ARID4A: variants seen among roughly 807,000 people sequenced by gnomAD.
ARID4A encodes the protein AT-rich interactive domain-containing protein 4A.
A neutral mutation model predicts 148.6 loss-of-function variants in ARID4A; 39 were observed. That is an observed-to-expected ratio of 0.26 (90% CI 0.20 to 0.34). The LOEUF (loss-of-function observed/expected upper bound fraction) is 0.34. ARID4A is among the 10% of genes least tolerant of loss of function. The pLI is 1.00. For synonymous variants in ARID4A, 475 were observed against 481.2 expected (o/e 0.99, Z 0.17); for missense variants, 1,265 against 1,449.1 (o/e 0.87, Z 2.06).
At position 58,372,980 on chromosome 14, in the gene ARID4A, T is replaced by C. The variant is rs2035672006; in HGVS notation, c.*991T>C. 1 of 192,206 alleles carries C rather than the reference T, an allele frequency of 5.2e-6. No homozygotes were observed. The highest frequency in any genetic ancestry group is 8.2e-5 in the East Asian group (1 of 12,186). The allele number at this position is 192,206 out of a possible 1,614,324, so 11.9% of individuals were successfully genotyped here. The stretch of plus-strand genomic sequence containing the variant: ...GATGACAATAGCTCTCAGCTGTCCT[T>C]TTTACAGGAGGTTGCATCCTGCAGC... On this transcript the variant is annotated 3_prime_UTR_variant, in exon 24 of 24. Transcript: ENST00000355431.
intron 23 of ARID4A, chr14:58,370,074 T>C (rs2035537230): frequency 6.6e-6 from 1 of 152,234 alleles, no homozygotes; most frequent in Non-Finnish European, 1.5e-5. Context: ...CCAGCAGTTT[T>C]TAATTCCTAG....
At position 58,341,218 on chromosome 14, in the gene ARID4A, C is replaced by T. The variant is rs2034103989; in HGVS notation, c.907-3477C>T. Among the ~76,000 whole-genome samples, 3 of 152,330 alleles carry T rather than the reference C, an allele frequency of 2.0e-5. No homozygotes were observed. The South Asian group carries it at 6.2e-4, about 32-fold the overall frequency. On this transcript the variant is annotated intron_variant, in intron 11 of 23. Transcript: ENST00000355431. ...TCCCTTCCAATCCATCAAACTCATT[C>T]TTGGCTGAGAAATTTTAAATATACA... is the stretch of plus-strand genomic sequence containing the variant.
chr14:58,331,338 T>G (rs2033506918), intron 11 of ARID4A: 1 of 152,214 alleles, frequency 6.6e-6, no homozygotes. Flanking sequence ...TTTCCTTTCA[T>G]GTAATGTCTG....
chr14:58,319,949 T>C (rs2032749884), intron 7 of ARID4A, among the ~76,000 whole-genome samples: 1 of 137,828 alleles, frequency 7.3e-6, no homozygotes, highest in South Asian at 2.3e-4. Flanking sequence ...TTTTCTTTTC[T>C]TTTTTTTTTT....
At chr14:58,311,889 A>T in intron 5 of ARID4A, among the ~76,000 whole-genome samples, 1 of 120,726 alleles carries the variant, frequency 8.3e-6, no homozygotes, top group African/African-American at 3.2e-5. Context: ...CTTATTAGAG[A>T]GTAGAGTGTT....
At chr14:58,343,047 C>A (rs1376194838) in intron 11 of ARID4A, among the ~76,000 whole-genome samples, 1 of 152,128 alleles carries the variant, frequency 6.6e-6, no homozygotes, top group African/African-American at 2.4e-5. Flanking sequence ...GCTAGAAGTT[C>A]TTAAAATTAA....
intron 22 of ARID4A, 26 bp downstream of exon 22, chr14:58,366,256 A>G (rs1223135830): frequency 6.6e-7 from 1 of 1,518,466 alleles, no homozygotes; most frequent in South Asian, 1.1e-5. Context: ...AAAACTTGAT[A>G]GATGAATACT....
At chr14:58,320,599 CT>C (rs778275420) in intron 7 of ARID4A, among the ~76,000 whole-genome samples, 4,174 of 127,582 alleles carry the variant, frequency 0.033, 65 homozygotes, top group Non-Finnish European at 0.044. Context: ...ATGACATTGA[CT>C]TTTTTTTTTT....
chr14:58,341,910 G>A (rs971204669), intron 11 of ARID4A, among the ~76,000 whole-genome samples: 3 of 152,210 alleles, frequency 2.0e-5, no homozygotes, highest in African/African-American at 7.2e-5. Flanking sequence ...AGATGGTCTA[G>A]TGGACCTCTA....
rs910314339 is a variant in ARID4A at position 58,326,362 on chromosome 14, G to A, written c.583-1875G>A. ...TGAGGCAGGAGAATGGCATGAACCC[G>A]GAAGGCGGAACTTGCGGTGAGCTGA... On this transcript the variant is annotated intron_variant, in intron 8 of 23. Transcript: ENST00000355431. Among the ~76,000 whole-genome samples, 45 of 152,158 alleles carry A rather than the reference G, an allele frequency of 3.0e-4. 1 individual carries two copies. Among genetic ancestry groups the A allele is most frequent in the South Asian group, 2.1e-4 (1 of 4,832 alleles).
At chr14:58,364,034 T>C (rs1187180724) in intron 19 of ARID4A, 136 bp from the exon 20 acceptor site, 1 of 416,016 alleles carries the variant, frequency 2.4e-6, no homozygotes, top group Non-Finnish European at 3.9e-6. Context: ...TTTGTTTTAT[T>C]TCAGAAATTT....
At chr14:58,354,110 C>G (rs534814376) in intron 17 of ARID4A, among the ~76,000 whole-genome samples, 3 of 152,226 alleles carry the variant, frequency 2.0e-5, no homozygotes, top group South Asian at 2.1e-4. Flanking sequence ...GGAGAACACA[C>G]AGCAAGGGGA....
intron 5 of ARID4A, among the ~76,000 whole-genome samples, chr14:58,316,875 C>T (rs1205018848): frequency 4.0e-5 from 6 of 150,074 alleles, no homozygotes; most frequent in East Asian, 2.1e-4. Context: ...TCACCGCGCC[C>T]GGCCAAGTAG....
intron 7 of ARID4A, among the ~76,000 whole-genome samples, chr14:58,322,125 C>G (rs1025438766): frequency 1.3e-5 from 2 of 151,738 alleles, no homozygotes; most frequent in African/African-American, 4.8e-5. Context: ...TGTGTGATAC[C>G]ACACCTGGCT....
Position 58,355,509 on chromosome 14 carries a change from A to G in ARID4A, c.1853+1654A>G, listed in dbSNP as rs184180842. Among the ~76,000 whole-genome samples, 61 of 152,348 alleles carry G rather than the reference A, an allele frequency of 4.0e-4. No individual in the cohort carries two copies. The East Asian group carries it at 8.7e-3, about 22-fold the overall frequency. On this transcript the variant is annotated intron_variant, in intron 17 of 23. Transcript: ENST00000355431. ...ACTGTATTGTAATAAAAGTTATATG[A>G]ATGTGGTCTTTCTCTCAAAATATCT...
chr14:58,373,140 AT>A lies in ARID4A; in HGVS notation c.*1156del. On this transcript the variant is annotated 3_prime_UTR_variant, in exon 24 of 24. Transcript: ENST00000355431. ...GTATTTAAACTGTTTTGAGGATCAAATTTTTGGTTGCCCTTAAGATACTTTG... is the reference window on the plus strand; with the variant it reads ...GTATTTAAACTGTTTTGAGGATCAAATTTTGGTTGCCCTTAAGATACTTTG... 5.0e-6 allele frequency: 1 copy of A among 199,448 alleles called. No homozygotes were observed. Among genetic ancestry groups the A allele is most frequent in the Non-Finnish European group, 1.0e-5 (1 of 96,326 alleles). The allele number at this position is 199,448 out of a possible 1,614,324, so 12.4% of individuals were successfully genotyped here. A position where few individuals can be genotyped will look rare whatever the true frequency, so the allele number is the denominator to read the frequency against.
In ARID4A at chr14:58,346,927, CAAAAAAAAAAAAAAAAAAAAAAAAAAA is replaced by C. The variant is rs71107937; in HGVS notation, c.1075-73_1075-47del. 1.6e-3 allele frequency: 221 copies of C among 140,410 alleles called. 1 individual carries two copies. Among genetic ancestry groups the C allele is most frequent in the Admixed American group, 2.0e-3 (6 of 2,936 alleles). The allele number at this position is 140,410 out of a possible 1,614,324, so 8.7% of individuals were successfully genotyped here. On this transcript the variant is annotated intron_variant, in intron 13 of 23. Coordinates refer to ENST00000355431, the MANE Select transcript of ARID4A (RefSeq NM_002892.4). Reference sequence around the variant, plus strand: ...TGGGCGACAGAGTGAGACCCTGTCTCAAAAAAAAAAAAAAAAAAAAAAAAAAAAAAAAAAAAAAAAAAAAAAGATTAA... The same window carrying C: ...TGGGCGACAGAGTGAGACCCTGTCTCAAAAAAAAAAAAAAAAAAAGATTAA...
At position 58,351,066 on chromosome 14, in the gene ARID4A, C is replaced by G; in HGVS notation, c.1405-7C>G. The G allele has an allele frequency of 1.3e-6, 2 of 1,584,392 alleles. No homozygotes were observed. The highest frequency in any genetic ancestry group is 1.7e-6 in the Non-Finnish European group (2 of 1,172,844). On this transcript the variant is annotated splice_polypyrimidine_tract_variant and splice_region_variant and intron_variant, in intron 15 of 23. Coordinates refer to ENST00000355431, the MANE Select transcript of ARID4A (RefSeq NM_002892.4). Reference sequence around the variant, plus strand: ...AGCTATTTTAAAGCTTTTATCCCCTCTACTAGGGACGAAGGAGAATTGCTC... The same window carrying G: ...AGCTATTTTAAAGCTTTTATCCCCTGTACTAGGGACGAAGGAGAATTGCTC...
rs202166806 is a variant in ARID4A at position 58,304,960 on chromosome 14, A to G, written c.134A>G (p.Asp45Gly). 12 of 1,608,990 alleles carry G rather than the reference A, an allele frequency of 7.5e-6. No individual in the cohort carries two copies. Among genetic ancestry groups the G allele is most frequent in the Non-Finnish European group, 9.3e-6 (11 of 1,178,282 alleles). Reference protein sequence around the residue: ...LVKVKVLLKQDNTTQLVQDDQ... With the variant: ...LVKVKVLLKQGNTTQLVQDDQ... ...GTTTTTCAGGTACTCCTGAAACAGG[A>G]TAATACCACACAATTGGTACAAGAT... is the stretch of plus-strand genomic sequence containing the variant. Residue 45 changes from aspartate to glycine, a missense_variant, in exon 4 of 24, where the codon GAT (aspartate) becomes GGT (glycine). Asp to Gly is a moderately conservative substitution (Grantham distance 94). This residue lies in a region of ARID4A where 59 missense variants were observed against 49.8 expected (regional missense o/e 1.18). Transcript: ENST00000355431.
Sources: gnomAD v4.1 joint callset for allele counts (sites outside exome capture counted in the v4.1 genomes callset) on GRCh38, gnomAD v4.1.1 for gene constraint, gnomAD v4.1.1 regional missense constraint, MANE v1.5 for transcripts, NCBI Gene and HGNC (gene_info 2026-07-23, HGNC 2026-07-21) for gene names.